RERE: variants seen among roughly 807,000 people sequenced by gnomAD.
RERE encodes the protein arginine-glutamic acid dipeptide repeats.
RERE carries 40 observed loss-of-function variants against 146.1 expected under a neutral mutation model. That is an observed-to-expected ratio of 0.27 (90% CI 0.21 to 0.36). RERE has a LOEUF of 0.36. Ranked by LOEUF, RERE falls within the 10% of genes least tolerant of loss-of-function variation. The probability of loss-of-function intolerance (pLI) is 1.00; values close to 1 mark genes in which losing one functional copy is unlikely to be tolerated. For missense variants in RERE, 1,933 were observed against 2,138.7 expected, an observed-to-expected ratio of 0.90 and a Z score of 1.90; for synonymous variants, 1,003 against 866.0, an observed-to-expected ratio of 1.16 and a Z score of -2.78.
chr1:8,576,573 C>T (rs1646297705), intron 4 of RERE, among the ~76,000 whole-genome samples: 1 of 152,068 alleles, frequency 6.6e-6, no homozygotes, highest in South Asian at 2.1e-4. Context: ...TGTATCTATA[C>T]CTCATACTGT....
chr1:8,416,360 C>T (rs12023132), intron 12 of RERE, among the ~76,000 whole-genome samples: 33,750 of 151,850 alleles, frequency 0.22, 5,337 homozygotes, highest in East Asian at 0.75. Flanking sequence ...CCAAGGCGGG[C>T]GGATCACAAG....
chr1:8,373,681 C>T (rs1465968434), intron 12 of RERE, among the ~76,000 whole-genome samples: 1 of 152,192 alleles, frequency 6.6e-6, no homozygotes, highest in African/African-American at 2.4e-5. Context: ...AGTGCTCCAA[C>T]GCTGCTGCCG....
intron 1 of RERE, among the ~76,000 whole-genome samples, chr1:8,732,808 C>CTTTTTTTTTTTT (rs59337140): frequency 1.1e-4 from 7 of 65,698 alleles, no homozygotes; most frequent in African/African-American, 2.7e-4. Context: ...TTCAATTTTT[C>CTTTTTTTTTTTT]TTTTTTTTTT....
chr1:8,355,338 G>A lies in RERE; in HGVS notation c.4667+81C>T. 4.1e-6 allele frequency: 6 copies of A among 1,465,300 alleles called. 1 individual carries two copies. In the South Asian group the frequency reaches 4.8e-5, roughly 12 times the overall value. 90.8% of individuals were successfully genotyped at this position (1,465,300 alleles called of 1,614,324 possible). Reference sequence around the variant, plus strand: ...CAGGGCCCAGCAGGCAGAGGGGGAGGAGCCTGGCCCTGGGCACACGGGGAG... The same window carrying A: ...CAGGGCCCAGCAGGCAGAGGGGGAGAAGCCTGGCCCTGGGCACACGGGGAG... On this transcript the variant is annotated intron_variant, in intron 22 of 22. Transcript: ENST00000400908.
At chr1:8,515,953 G>A (rs1314512034) in intron 7 of RERE, among the ~76,000 whole-genome samples, 5 of 151,314 alleles carry the variant, frequency 3.3e-5, no homozygotes, top group African/African-American at 9.7e-5. Flanking sequence ...GCGGTGGCTC[G>A]TGCCTGTAAT....
In RERE at chr1:8,358,883, T is replaced by C. The variant is rs768855020; in HGVS notation, c.3652A>G (p.Ser1218Gly). ...CCAGGACCACTGAGCTGTGGGTCAC[T>C]GAGGCGACCTTCATGCGCTGAGCTG... ...ASSSAHEGRL[S>G]DPQLSGPGHM... The change falls in exon 20 of 23, where the codon AGT becomes GGT. Residue 1218 changes from serine (S) to glycine (G), a missense_variant. Around this residue, in one of 11 missense-constraint regions of RERE, gnomAD observed 1,255 missense variants for 1,153.8 expected, o/e 1.09. Coordinates refer to ENST00000400908, the MANE Select transcript of RERE (RefSeq NM_001042681.2). 1 of 1,563,694 alleles carries C rather than the reference T, an allele frequency of 6.4e-7. No individual in the cohort carries two copies. Among genetic ancestry groups the C allele is most frequent in the Non-Finnish European group, 8.7e-7 (1 of 1,153,826 alleles).
In RERE at chr1:8,356,511, TC is replaced by T. The variant is rs1641299343; in HGVS notation, c.4340-266del. On this transcript the variant is annotated intron_variant, in intron 20 of 22. Coordinates refer to ENST00000400908, the MANE Select transcript of RERE (RefSeq NM_001042681.2). This position sits in a 1 kb window ranked among gnomAD's most constrained non-coding sequence, Gnocchi z 5.2. Reference sequence around the variant, plus strand: ...CTTGTGGAGTGCCCCTAACAGGCAATCCCAGGCCAGTTTTGTCGAGGACCCG... The same window carrying T: ...CTTGTGGAGTGCCCCTAACAGGCAATCCAGGCCAGTTTTGTCGAGGACCCG... 6.6e-6 allele frequency among the ~76,000 whole-genome samples: 1 copy of T among 152,092 alleles called. No individual in the cohort carries two copies.
At chr1:8,514,159 T>C (rs948188205) in intron 7 of RERE, among the ~76,000 whole-genome samples, 1 of 152,232 alleles carries the variant, frequency 6.6e-6, no homozygotes, top group Non-Finnish European at 1.5e-5. Flanking sequence ...AAAGTTCAAA[T>C]CTTAGCCTTG....
chr1:8,807,615 G>A (rs1641715179), intron 1 of RERE, among the ~76,000 whole-genome samples: 1 of 152,230 alleles, frequency 6.6e-6, no homozygotes, highest in East Asian at 1.9e-4. Flanking sequence ...AGAGTCCACA[G>A]TACTGATTGA....
At chr1:8,416,852 G>A (rs1643788054) in intron 12 of RERE, among the ~76,000 whole-genome samples, 2 of 152,006 alleles carry the variant, frequency 1.3e-5, no homozygotes, top group African/African-American at 4.8e-5. Flanking sequence ...GGAATCCTCT[G>A]GGGGGTCCGT....
rs1351236379 is a variant in RERE at position 8,354,067 on chromosome 1, G to C, written c.*1020C>G. On this transcript the variant is annotated 3_prime_UTR_variant, in exon 23 of 23. Coordinates refer to ENST00000400908, the MANE Select transcript of RERE (RefSeq NM_001042681.2). ...GAGTATTAAAAAAGACATTCATCCA[G>C]AACAATCAAGTGTGTGTACACAGAA... The C allele has an allele frequency of 2.6e-5, 4 of 152,486 alleles. No homozygotes were observed. The highest frequency in any genetic ancestry group is 9.7e-5 in the African/African-American group (4 of 41,420). The allele number at this position is 152,486 out of a possible 1,614,324, so 9.4% of individuals were successfully genotyped here.
At chr1:8,677,425 C>CAAAAAAAAA (rs33947474) in intron 1 of RERE, among the ~76,000 whole-genome samples, 2 of 93,748 alleles carry the variant, frequency 2.1e-5, no homozygotes, top group Non-Finnish European at 4.3e-5. Context: ...GTCTCCGTCT[C>CAAAAAAAAA]AAAAAAAAAA....
chr1:8,529,235 T>G (rs955450139), intron 7 of RERE, among the ~76,000 whole-genome samples: 12 of 150,904 alleles, frequency 8.0e-5, no homozygotes, highest in Non-Finnish European at 1.2e-4. Flanking sequence ...TTAAATATAT[T>G]AAACAAACAG....
At chr1:8,742,540 A>G (rs951947526) in intron 1 of RERE, among the ~76,000 whole-genome samples, 2 of 152,114 alleles carry the variant, frequency 1.3e-5, no homozygotes, top group African/African-American at 4.8e-5. Context: ...AAGTACAACC[A>G]CCAGCAGTGC....
At chr1:8,669,081 G>GTGTTGTC (rs1638652702) in intron 1 of RERE, among the ~76,000 whole-genome samples, 2 of 100,166 alleles carry the variant, frequency 2.0e-5, no homozygotes, top group African/African-American at 7.5e-5. Flanking sequence ...TGTGTGTTGT[G>GTGTTGTC]TTTTTAAGAC....
intron 2 of RERE, among the ~76,000 whole-genome samples, chr1:8,631,577 G>T (rs768029984): frequency 6.6e-6 from 1 of 152,156 alleles, no homozygotes; most frequent in Admixed American, 6.5e-5. Context: ...ATACTGATAT[G>T]CTAAATATTA....
intron 4 of RERE, among the ~76,000 whole-genome samples, chr1:8,558,220 T>C (rs1646029767): frequency 6.6e-6 from 1 of 152,238 alleles, no homozygotes; most frequent in Non-Finnish European, 1.5e-5. Flanking sequence ...AATGATCCTG[T>C]AAATGTTTGT....
intron 4 of RERE, among the ~76,000 whole-genome samples, chr1:8,595,952 C>G (rs1646551093): frequency 6.6e-6 from 1 of 152,152 alleles, no homozygotes; most frequent in Admixed American, 6.5e-5. Context: ...GCACTAATCC[C>G]CAAAAGTTTA....
intron 2 of RERE, among the ~76,000 whole-genome samples, chr1:8,655,486 G>A (rs868525235): frequency 3.3e-5 from 5 of 152,152 alleles, no homozygotes; most frequent in Admixed American, 6.5e-5. Flanking sequence ...AATTGCAGGC[G>A]TGAGCCACCA....
Sources: gnomAD v4.1 joint callset for allele counts (sites outside exome capture counted in the v4.1 genomes callset) on GRCh38, gnomAD v4.1.1 for gene constraint, gnomAD v4.1.1 regional missense constraint, Gnocchi (gnomAD v3.1) non-coding constraint, MANE v1.5 for transcripts, NCBI Gene and HGNC (gene_info 2026-07-23, HGNC 2026-07-21) for gene names.